TMEM117: variants seen among roughly 807,000 people sequenced by gnomAD.
TMEM117 encodes the protein transmembrane protein 117.
A neutral mutation model predicts 52.4 loss-of-function variants in TMEM117; 27 were observed. The observed-to-expected ratio is 0.51, with a 90% CI of 0.38 to 0.71. The LOEUF is 0.71. Among genes scored for constraint, TMEM117 ranks in the 30% least tolerant of loss-of-function variants. The pLI is 0.00. For synonymous variants in TMEM117, 215 were observed against 206.3 expected (o/e 1.04, Z -0.36); for missense variants, 556 against 630.5 (o/e 0.88, Z 1.26).
chr12:44,318,784 G>C (rs1170863890), intron 6 of TMEM117, among the ~76,000 whole-genome samples: 2 of 151,938 alleles, frequency 1.3e-5, no homozygotes, highest in African/African-American at 4.8e-5. Flanking sequence ...AGAGGTCTCT[G>C]CTGCACCACA....
At chr12:43,996,208 GTT>G (rs1946027410) in intron 3 of TMEM117, among the ~76,000 whole-genome samples, 1 of 152,130 alleles carries the variant, frequency 6.6e-6, no homozygotes, top group East Asian at 1.9e-4. Context: ...CACTATTAAT[GTT>G]TTAGCGCATT....
the TMEM117 span, among the ~76,000 whole-genome samples, chr12:43,820,359 C>A: frequency 1.3e-5 from 2 of 152,190 alleles, no homozygotes; most frequent in Admixed American, 6.5e-5. Flanking sequence ...CTGCAAGCTC[C>A]GCCTCCCGGG....
At chr12:43,813,784 C>T in the TMEM117 span, among the ~76,000 whole-genome samples, 1 of 152,122 alleles carries the variant, frequency 6.6e-6, no homozygotes, top group Non-Finnish European at 1.5e-5. Flanking sequence ...AGTTCACTTT[C>T]CCTGGCTCTA....
chr12:44,394,609 T>C (rs761578732), downstream of TMEM117, among the ~76,000 whole-genome samples: 15 of 152,206 alleles, frequency 9.9e-5, no homozygotes, highest in Non-Finnish European at 1.8e-4. Context: ...CCTCAAGGTT[T>C]CCTAGGCTCT....
At chr12:44,172,988 G>A (rs906562856) in intron 4 of TMEM117, among the ~76,000 whole-genome samples, 2 of 152,184 alleles carry the variant, frequency 1.3e-5, no homozygotes, top group Admixed American at 6.5e-5. Context: ...GCCTCCAGAA[G>A]TGCCGGGATT....
intron 2 of TMEM117, among the ~76,000 whole-genome samples, chr12:43,943,191 A>AAAT (rs1199184012): frequency 6.6e-6 from 1 of 151,200 alleles, no homozygotes; most frequent in East Asian, 1.9e-4. Flanking sequence ...AAAAAAAAAA[A>AAAT]AAAAAAAAAA....
chr12:44,322,611 C>T (rs946110928), intron 6 of TMEM117, among the ~76,000 whole-genome samples: 3 of 152,040 alleles, frequency 2.0e-5, no homozygotes, highest in African/African-American at 7.2e-5. Flanking sequence ...TATTTTTGAA[C>T]GTCTTTGAGA....
At chr12:44,370,335 A>G (rs771842403) in intron 6 of TMEM117, among the ~76,000 whole-genome samples, 2 of 152,134 alleles carry the variant, frequency 1.3e-5, no homozygotes, top group Non-Finnish European at 2.9e-5. Flanking sequence ...CACTCTCTGT[A>G]TAATTCCAGT....
intron 3 of TMEM117, among the ~76,000 whole-genome samples, chr12:44,078,528 G>C (rs1286762112): frequency 6.6e-5 from 10 of 152,166 alleles, no homozygotes; most frequent in Non-Finnish European, 1.3e-4. Flanking sequence ...ACCAGTGCAC[G>C]ATTGGATGAA....
chr12:44,361,459 G>A (rs1046231712), intron 6 of TMEM117, among the ~76,000 whole-genome samples: 2 of 152,120 alleles, frequency 1.3e-5, no homozygotes, highest in Non-Finnish European at 2.9e-5. Context: ...TAACTTGTTT[G>A]CCTCTTCTAC....
chr12:43,995,670 C>T (rs1245445425), intron 3 of TMEM117, among the ~76,000 whole-genome samples: 1 of 152,108 alleles, frequency 6.6e-6, no homozygotes, highest in Non-Finnish European at 1.5e-5. Flanking sequence ...AGTCTTTCAT[C>T]TCTCACCTCC....
At chr12:44,169,337 G>C (rs1949012994) in intron 4 of TMEM117, among the ~76,000 whole-genome samples, 1 of 152,154 alleles carries the variant, frequency 6.6e-6, no homozygotes, top group African/African-American at 2.4e-5. Flanking sequence ...GTTTCTCTAT[G>C]TTCTCACCAA....
intron 3 of TMEM117, among the ~76,000 whole-genome samples, chr12:44,044,078 G>C (rs1805845211): frequency 6.6e-6 from 1 of 152,212 alleles, no homozygotes; most frequent in South Asian, 2.1e-4. Flanking sequence ...GGATGGTGGA[G>C]TGGATTAATC....
the TMEM117 span, among the ~76,000 whole-genome samples, chr12:43,820,597 T>A: frequency 6.7e-6 from 1 of 149,918 alleles, no homozygotes; most frequent in African/African-American, 2.5e-5. Flanking sequence ...TTTTTTTTTT[T>A]TTATAGAATC....
chr12:43,967,590 C>T (rs943402328), intron 3 of TMEM117, among the ~76,000 whole-genome samples: 9 of 152,266 alleles, frequency 5.9e-5, no homozygotes, highest in African/African-American at 1.9e-4. Flanking sequence ...CAGGAAGGAC[C>T]TGAGGCCTGC....
chr12:44,256,361 A>C (rs1240276006), intron 5 of TMEM117, among the ~76,000 whole-genome samples: 2 of 151,952 alleles, frequency 1.3e-5, no homozygotes, highest in Non-Finnish European at 2.9e-5. Flanking sequence ...TTGAATGTGG[A>C]CCCAAAATGT....
the TMEM117 span, among the ~76,000 whole-genome samples, chr12:43,828,939 AT>A: frequency 6.6e-6 from 1 of 151,904 alleles, no homozygotes; most frequent in Non-Finnish European, 1.5e-5. Context: ...AGCGTTGGGC[AT>A]TGGGATTTTT....
intron 7 of TMEM117, among the ~76,000 whole-genome samples, chr12:44,379,821 A>G (rs1170918500): frequency 6.6e-6 from 1 of 152,072 alleles, no homozygotes; most frequent in African/African-American, 2.4e-5. Flanking sequence ...TTTTATGGAG[A>G]CTTCAGTGCT....
At chr12:44,378,770 A>G (rs1266250543) in intron 7 of TMEM117, among the ~76,000 whole-genome samples, 1 of 152,198 alleles carries the variant, frequency 6.6e-6, no homozygotes, top group Non-Finnish European at 1.5e-5. Flanking sequence ...GTTGGGTTTC[A>G]TTACTAATGT....
Sources: gnomAD v4.1 joint callset for allele counts (sites outside exome capture counted in the v4.1 genomes callset) on GRCh38, gnomAD v4.1.1 for gene constraint, MANE v1.5 for transcripts, NCBI Gene and HGNC (gene_info 2026-07-23, HGNC 2026-07-21) for gene names.